The following SEC11C variants were observed in gnomAD, a reference collection of about 807,000 sequenced individuals.
SEC11C encodes the protein signal peptidase complex catalytic subunit SEC11C.
In SEC11C, 10 loss-of-function variants were observed where a neutral mutation model predicts 21.9. The ratio of observed to expected loss-of-function variants is 0.46; its 90% CI spans 0.28 to 0.77. SEC11C has a LOEUF of 0.77. Ranked by LOEUF, SEC11C falls within the 30% of genes least tolerant of loss-of-function variation. SEC11C has a pLI of 0.12. For missense variants in SEC11C, 145 were observed against 244.5 expected (o/e 0.59, Z 2.71); for synonymous variants, 83 against 85.6 (o/e 0.97, Z 0.17).
At chr18:59,152,815 C>A (rs1228767904) in intron 3 of SEC11C, 130 bp downstream of exon 3, 29 of 704,724 alleles carry the variant, frequency 4.1e-5, no homozygotes, top group Non-Finnish European at 6.1e-5. Flanking sequence ...GACTTTGGAC[C>A]AAATGCTTAA....
Position 59,152,590 on chromosome 18 carries a change from C to T in SEC11C, c.252C>T (p.Phe84=). The change falls in exon 3 of 6, where the codon TTC becomes TTT. Residue 84 remains phenylalanine (F), a synonymous_variant. Transcript: ENST00000587834. ...GAGACCTCCTGTTCCTCACAAATTTCCGGGAAGACCCAATCAGAGCTGGTG... is the reference window on the plus strand; with the variant it reads ...GAGACCTCCTGTTCCTCACAAATTTTCGGGAAGACCCAATCAGAGCTGGTG... ...HRGDLLFLTN[F]REDPIRAGEI... 6.2e-7 allele frequency: 1 copy of T among 1,613,208 alleles called. No individual in the cohort carries two copies. The highest frequency in any genetic ancestry group is 8.5e-7 in the Non-Finnish European group (1 of 1,179,868).
rs769379851 is a variant in SEC11C, at chr18:59,149,554, T to C, written c.129T>C (p.Ser43=). The C allele has an allele frequency of 6.0e-5, 96 of 1,613,186 alleles. No individual in the cohort carries two copies. Among genetic ancestry groups the C allele is most frequent in the Non-Finnish European group, 7.9e-5 (93 of 1,179,198 alleles). ...QVLNFAMIVS[S]ALMIWKGLIV... is the part of the protein sequence containing the mutation. ...TAAACTTCGCCATGATCGTGTCTTC[T>C]GCACTCATGATATGGAAAGGCTTGA... Residue 43 remains serine (S), a synonymous_variant, in exon 2 of 6, where the codon TCT becomes TCC. Coordinates refer to ENST00000587834, the MANE Select transcript of SEC11C (RefSeq NM_033280.4).
chr18:59,153,849 G>A (rs1333202552), intron 3 of SEC11C, among the ~76,000 whole-genome samples: 2 of 152,010 alleles, frequency 1.3e-5, no homozygotes, highest in African/African-American at 4.8e-5. Context: ...TGGAATTACA[G>A]GCATGTGCCA....
intron 5 of SEC11C, among the ~76,000 whole-genome samples, chr18:59,158,302 C>T (rs563430109): frequency 1.3e-5 from 2 of 152,190 alleles, no homozygotes; most frequent in East Asian, 1.9e-4. Context: ...GTGATCTGCC[C>T]GCCTTGGCTT....
intron 1 of SEC11C, 27 bp downstream of exon 1, chr18:59,140,062 C>A (rs778226397): frequency 2.6e-6 from 4 of 1,551,776 alleles, no homozygotes; most frequent in Non-Finnish European, 2.6e-6. Context: ...GTGAGCGCGC[C>A]GTGGCCGGGA....
intron 3 of SEC11C, among the ~76,000 whole-genome samples, chr18:59,154,239 T>C (rs2069393897): frequency 6.6e-6 from 1 of 152,178 alleles, no homozygotes; most frequent in African/African-American, 2.4e-5. Flanking sequence ...TTGTTCCAAG[T>C]TGAGGAAGTG....
In SEC11C at chr18:59,140,024, A is replaced by G; in HGVS notation, c.76A>G (p.Asn26Asp). 6.3e-7 allele frequency: 1 copy of G among 1,588,774 alleles called. No homozygotes were observed. The highest frequency in any genetic ancestry group is 8.6e-7 in the Non-Finnish European group (1 of 1,165,038). Residue 26 changes from asparagine to aspartate, a missense_variant, in exon 1 of 6, where the codon AAC (asparagine) becomes GAC (aspartate). By Grantham distance (23) the Asn-to-Asp change is conservative (BLOSUM62 1). Coordinates refer to ENST00000587834, the MANE Select transcript of SEC11C (RefSeq NM_033280.4). Reference protein sequence around the residue: ...LDIFGDLKKMNKRQLYYQVLN... With the variant: ...LDIFGDLKKMDKRQLYYQVLN... ...TATCTTCGGGGACCTGAAGAAGATG[A>G]ACAAGCGCCAGGTGACGGAGGAGGG...
At chr18:59,154,924 G>A (rs1426061892) in intron 3 of SEC11C, among the ~76,000 whole-genome samples, 1 of 152,142 alleles carries the variant, frequency 6.6e-6, no homozygotes, top group African/African-American at 2.4e-5. Flanking sequence ...AAATTACCTC[G>A]GTGTGGTGGC....
intron 5 of SEC11C, among the ~76,000 whole-genome samples, 175 bp from the exon 6 acceptor site, chr18:59,158,457 T>G (rs2069443924): frequency 6.6e-6 from 1 of 151,966 alleles, no homozygotes. Flanking sequence ...TATTTTTGGG[T>G]TTTTGACCAT....
chr18:59,145,256 A>G (rs1358472625), intron 1 of SEC11C, among the ~76,000 whole-genome samples: 7 of 152,208 alleles, frequency 4.6e-5, no homozygotes, highest in East Asian at 1.9e-4. Context: ...TTTCTTTTAC[A>G]TATTGTCTAT....
At chr18:59,141,109 A>T (rs145730393) in intron 1 of SEC11C, among the ~76,000 whole-genome samples, 1 of 151,994 alleles carries the variant, frequency 6.6e-6, no homozygotes, top group African/African-American at 2.4e-5. Context: ...TGCCCATGGG[A>T]GGTCACAGCT....
Position 59,155,752 on chromosome 18 carries a change from T to C in SEC11C, c.412T>C (p.Tyr138His). Reference protein sequence around the residue: ...DNNEVDDRGLYKEGQNWLEKK... With the variant: ...DNNEVDDRGLHKEGQNWLEKK... The stretch of plus-strand genomic sequence containing the variant: ...TAATGAAGTTGATGATAGAGGCTTG[T>C]ACAAAGAAGGCCAGAACTGGCTGGA... Residue 138 changes from tyrosine to histidine, a missense_variant, in exon 4 of 6, where the codon TAC (tyrosine) becomes CAC (histidine). Tyr to His is a moderately conservative substitution (Grantham distance 83). Coordinates refer to ENST00000587834, the MANE Select transcript of SEC11C (RefSeq NM_033280.4). The C allele has an allele frequency of 6.2e-7, 1 of 1,613,918 alleles. No homozygotes were observed. The highest frequency in any genetic ancestry group is 8.5e-7 in the Non-Finnish European group (1 of 1,179,952).
intron 4 of SEC11C, chr18:59,156,700 G>GT (rs370442668): frequency 5.1e-5 from 6 of 117,052 alleles, no homozygotes; most frequent in Non-Finnish European, 9.6e-5. Flanking sequence ...CATTAGAAAT[G>GT]TTTTTTTATC....
At chr18:59,150,485 C>G (rs985848330) in intron 2 of SEC11C, among the ~76,000 whole-genome samples, 8 of 152,206 alleles carry the variant, frequency 5.3e-5, no homozygotes, top group African/African-American at 1.9e-4. Context: ...TTCTAGAGAT[C>G]GCGTTTTCAT....
intron 1 of SEC11C, among the ~76,000 whole-genome samples, chr18:59,148,323 C>T (rs556236345): frequency 2.6e-5 from 4 of 152,312 alleles, no homozygotes; most frequent in Admixed American, 1.3e-4. Context: ...GTCCCTCTTG[C>T]GCCTGGAAGG....
At chr18:59,154,791 C>T (rs561477141) in intron 3 of SEC11C, among the ~76,000 whole-genome samples, 243 of 152,264 alleles carry the variant, frequency 1.6e-3, no homozygotes, top group African/African-American at 5.3e-3. Flanking sequence ...TGAGGCTGGG[C>T]GCGGTGGCTT....
intron 1 of SEC11C, chr18:59,147,983 A>C (rs2069297298): frequency 6.6e-6 from 1 of 152,350 alleles, no homozygotes; most frequent in Non-Finnish European, 1.5e-5. Flanking sequence ...CACAGATGCC[A>C]GGAGAATAGG....
At chr18:59,140,105 A>G in intron 1 of SEC11C, 70 bp downstream of exon 1, 1 of 1,383,910 alleles carries the variant, frequency 7.2e-7, no homozygotes, top group East Asian at 2.6e-5. Context: ...GGGGCTTCCC[A>G]GTCAGGGCTC....
intron 2 of SEC11C, among the ~76,000 whole-genome samples, chr18:59,151,687 A>G (rs1472520580): frequency 1.3e-5 from 2 of 152,192 alleles, no homozygotes; most frequent in Non-Finnish European, 2.9e-5. Flanking sequence ...TGTTTCCACT[A>G]GAGCACCACG....
Sources: gnomAD v4.1 joint callset for allele counts (sites outside exome capture counted in the v4.1 genomes callset) on GRCh38, gnomAD v4.1.1 for gene constraint, MANE v1.5 for transcripts, NCBI Gene and HGNC (gene_info 2026-07-23, HGNC 2026-07-21) for gene names.